The following STK32A variants were observed in gnomAD, a reference collection of about 807,000 sequenced individuals.
STK32A encodes serine/threonine-protein kinase 32A.
In STK32A, 41 loss-of-function variants were observed where a neutral mutation model predicts 53.2. That is an observed-to-expected ratio of 0.77 (90% CI 0.60 to 1.00). STK32A has a LOEUF of 1.00. Ranked by LOEUF, STK32A falls within the 50% of genes least tolerant of loss-of-function variation. The pLI is 0.00. For synonymous variants in STK32A, 166 were observed against 162.8 expected (o/e 1.02, Z -0.15); for missense variants, 458 against 485.8 (o/e 0.94, Z 0.54).
intron 5 of STK32A, among the ~76,000 whole-genome samples, chr5:147,336,762 G>A (rs1018781308): frequency 6.6e-6 from 1 of 151,960 alleles, no homozygotes; most frequent in Non-Finnish European, 1.5e-5. Flanking sequence ...TCTTAACATG[G>A]GTCTGTTTTT....
At chr5:147,329,901 G>C (rs775661678) in intron 5 of STK32A, among the ~76,000 whole-genome samples, 20 of 152,196 alleles carry the variant, frequency 1.3e-4, no homozygotes, top group Admixed American at 9.2e-4. Flanking sequence ...GTAACCATTG[G>C]GTGAGTGCAG....
At chr5:147,335,239 C>T (rs1755060291) in intron 5 of STK32A, among the ~76,000 whole-genome samples, 1 of 152,120 alleles carries the variant, frequency 6.6e-6, no homozygotes, top group Non-Finnish European at 1.5e-5. Flanking sequence ...GATTATTGTC[C>T]TCAGTTACAA....
chr5:147,323,781 A>C (rs2151978075), intron 4 of STK32A, 117 bp from the exon 5 acceptor site: 1 of 847,514 alleles, frequency 1.2e-6, no homozygotes, highest in East Asian at 2.7e-5. Context: ...CCTACTCCCA[A>C]AGTCTGAGCT....
At chr5:147,300,609 G>C (rs1753084508) in intron 4 of STK32A, among the ~76,000 whole-genome samples, 1 of 152,136 alleles carries the variant, frequency 6.6e-6, no homozygotes, top group Non-Finnish European at 1.5e-5. Flanking sequence ...TTGGCTTCTG[G>C]TTAATTGCCC....
chr5:147,381,532 A>C (rs1253373636), intron 11 of STK32A, among the ~76,000 whole-genome samples: 2 of 151,996 alleles, frequency 1.3e-5, no homozygotes, highest in African/African-American at 4.8e-5. Flanking sequence ...AATCCCAGCT[A>C]CTTGGGTGGC....
chr5:147,281,292 G>A (rs1752053262), intron 4 of STK32A, among the ~76,000 whole-genome samples: 1 of 152,158 alleles, frequency 6.6e-6, no homozygotes, highest in African/African-American at 2.4e-5. Flanking sequence ...CAGGAGGTTA[G>A]CTATTAAGCT....
rs550420265 is a variant in STK32A at position 147,243,300 on chromosome 5, G to A, written c.52+3614G>A. On this transcript the variant is annotated intron_variant, in intron 2 of 12. Coordinates refer to ENST00000397936, the MANE Select transcript of STK32A (RefSeq NM_001112724.2). Reference sequence around the variant, plus strand: ...AAGGTAATTAAGGAGCAAGATAAGAGGTTATTGGATGTCCCTTGAGATAAG... The same window carrying A: ...AAGGTAATTAAGGAGCAAGATAAGAAGTTATTGGATGTCCCTTGAGATAAG... Among the ~76,000 whole-genome samples the A allele has an allele frequency of 1.7e-5, 2 of 120,422 alleles. 1 individual carries two copies. Among genetic ancestry groups the A allele is most frequent in the South Asian group, 5.1e-4 (2 of 3,952 alleles). The allele number at this position is 120,422 out of a possible 152,430, so 79.0% of individuals were successfully genotyped here. A position where few individuals can be genotyped will look rare whatever the true frequency, so the allele number is the denominator to read the frequency against.
chr5:147,242,631 GA>G (rs1753627367), intron 2 of STK32A, among the ~76,000 whole-genome samples: 1 of 152,142 alleles, frequency 6.6e-6, no homozygotes, highest in Admixed American at 6.5e-5. Flanking sequence ...TCAAGAACAG[GA>G]AAAACAAGTC....
chr5:147,241,479 A>AAAACAAACAAAC lies in STK32A; in HGVS notation c.52+1809_52+1820dup, dbSNP rs80273912. 1.5e-3 allele frequency among the ~76,000 whole-genome samples: 223 copies of AAAACAAACAAAC among 151,148 alleles called. 1 individual carries two copies. Among genetic ancestry groups the AAAACAAACAAAC allele is most frequent in the South Asian group, 0.011 (51 of 4,768 alleles). On this transcript the variant is annotated intron_variant, in intron 2 of 12. Coordinates refer to ENST00000397936, the MANE Select transcript of STK32A (RefSeq NM_001112724.2). ...GGGCGACAGAGCGAGACTCCATCTC[A>AAAACAAACAAAC]AAACAAACAAACAAACAAACAAACA...
chr5:147,272,702 T>C (rs1214081196), intron 2 of STK32A, among the ~76,000 whole-genome samples: 1 of 152,224 alleles, frequency 6.6e-6, no homozygotes, highest in Non-Finnish European at 1.5e-5. Context: ...TTTCACTGAA[T>C]AATTGTTGTA....
chr5:147,400,845 GA>G, the STK32A span: 1 of 1,612,554 alleles, frequency 6.2e-7, no homozygotes, highest in Non-Finnish European at 8.5e-7. Context: ...TGGCAAAGGA[GA>G]AAAGCTCCAC....
At chr5:147,383,090 G>T in intron 11 of STK32A, 1 of 260,006 alleles carries the variant, frequency 3.8e-6, no homozygotes, top group Non-Finnish European at 7.2e-6. Flanking sequence ...ATGAGGGATG[G>T]GTAGCTGCTG....
intron 11 of STK32A, 51 bp downstream of exon 11, chr5:147,375,269 GC>G: frequency 6.3e-7 from 1 of 1,584,838 alleles, no homozygotes; most frequent in Non-Finnish European, 8.6e-7. Context: ...CATGATGGCT[GC>G]AATATCTTCG....
intron 2 of STK32A, chr5:147,239,977 G>T: frequency 3.1e-6 from 1 of 327,290 alleles, no homozygotes; most frequent in Non-Finnish European, 5.6e-6. Flanking sequence ...TGTCCTCTGT[G>T]CTGTTCCTTG....
At chr5:147,236,448 A>G (rs1236847896) in intron 1 of STK32A, among the ~76,000 whole-genome samples, 1 of 152,118 alleles carries the variant, frequency 6.6e-6, no homozygotes, top group Non-Finnish European at 1.5e-5. Flanking sequence ...AGAGAGTCCT[A>G]CAGCTCTACT....
intron 7 of STK32A, among the ~76,000 whole-genome samples, chr5:147,355,786 G>GTATATATATATATA (rs1421118282): frequency 7.0e-5 from 9 of 128,358 alleles, no homozygotes; most frequent in Admixed American, 2.4e-4. Context: ...GTGTGAGTGT[G>GTATATATATATATA]TGTGTGTATA....
intron 7 of STK32A, among the ~76,000 whole-genome samples, chr5:147,352,357 C>T (rs1435218771): frequency 6.6e-6 from 1 of 152,024 alleles, no homozygotes; most frequent in African/African-American, 2.4e-5. Flanking sequence ...AAGGGGTGAC[C>T]AAAAAGAGAG....
intron 4 of STK32A, among the ~76,000 whole-genome samples, chr5:147,316,841 C>G (rs1581083525): frequency 1.2e-5 from 1 of 84,674 alleles, no homozygotes; most frequent in Admixed American, 1.8e-4. Flanking sequence ...GGTTAAATAG[C>G]AAGACCCTGT....
chr5:147,394,133 G>A, the STK32A span: 98 of 1,612,878 alleles, frequency 6.1e-5, 2 homozygotes, highest in East Asian at 5.8e-4. Context: ...CCTACAGTTG[G>A]AAATAAATTC....
Sources: allele counts gnomAD v4.1 joint callset (sites outside exome capture counted in the v4.1 genomes callset), GRCh38; gene constraint gnomAD v4.1.1; transcripts MANE v1.5; gene names NCBI Gene and HGNC (gene_info 2026-07-23, HGNC 2026-07-21).